Variants in AGO1 observed in about 807,000 individuals in gnomAD.
AGO1 encodes the protein protein argonaute-1.
A neutral mutation model predicts 109.2 loss-of-function variants in AGO1; 11 were observed. That is an observed-to-expected ratio of 0.10 (90% CI 0.06 to 0.17). The LOEUF (loss-of-function observed/expected upper bound fraction) is 0.17, where lower values mean the gene tolerates loss of function less well. AGO1 is among the 10% of genes least tolerant of loss of function. The pLI, the probability that AGO1 is intolerant of heterozygous loss-of-function variation, is 1.00. For missense variants in AGO1, 574 were observed against 1,140.3 expected (o/e 0.50, Z 7.15); for synonymous variants, 422 against 418.6 (o/e 1.01, Z -0.10).
At chr1:35,909,209 G>A (rs1475295253) in intron 12 of AGO1, among the ~76,000 whole-genome samples, 2 of 152,134 alleles carry the variant, frequency 1.3e-5, no homozygotes, top group Non-Finnish European at 2.9e-5. Context: ...ACTGCATGAA[G>A]GGTTTTCATG....
At chr1:35,911,199 G>T (rs1645626832) in intron 12 of AGO1, among the ~76,000 whole-genome samples, 1 of 152,176 alleles carries the variant, frequency 6.6e-6, no homozygotes, top group African/African-American at 2.4e-5. Context: ...TTCACCAGCA[G>T]TGTATAAGAG....
chr1:35,886,672 C>A (rs186466109), intron 1 of AGO1, among the ~76,000 whole-genome samples: 122 of 152,230 alleles, frequency 8.0e-4, no homozygotes, highest in Non-Finnish European at 2.1e-4. Flanking sequence ...TGGCTACACC[C>A]ACAAACGTGC....
At chr1:35,875,345 G>T (rs909543321) in intron 1 of AGO1, among the ~76,000 whole-genome samples, 2 of 151,900 alleles carry the variant, frequency 1.3e-5, no homozygotes, top group East Asian at 3.9e-4. Context: ...CTCTGCCTGT[G>T]CTCTATAAGT....
Position 35,883,493 on chromosome 1 carries a change from G to A in AGO1, c.25+47G>A. 6.6e-7 allele frequency: 1 copy of A among 1,511,136 alleles called. No individual in the cohort carries two copies. Among genetic ancestry groups the A allele is most frequent in the East Asian group, 2.7e-5 (1 of 37,362 alleles). 93.6% of individuals were successfully genotyped at this position (1,511,136 alleles called of 1,614,324 possible). A position where few individuals can be genotyped will look rare whatever the true frequency, so the allele number is the denominator to read the frequency against. ...AACGGTGCATGCTCCAAGGACTGGG[G>A]GATCCCGCATGAAAAGCGTGGTTTC... On this transcript the variant is annotated intron_variant, in intron 1 of 18. Transcript: ENST00000373204. This position sits in a 1 kb window ranked among gnomAD's most constrained non-coding sequence, Gnocchi z 5.4.
intron 8 of AGO1, among the ~76,000 whole-genome samples, chr1:35,898,565 A>G (rs1242333685): frequency 2.0e-5 from 3 of 152,310 alleles, no homozygotes; most frequent in South Asian, 2.1e-4. Context: ...AATGTTTAAC[A>G]TCGTGATGAG....
rs1022772857 is a variant in AGO1 at position 35,927,222 on chromosome 1, T to C, written c.*7615T>C. The C allele has an allele frequency of 6.6e-6, 1 of 152,182 alleles. No individual in the cohort carries two copies. The highest frequency in any genetic ancestry group is 2.4e-5 in the African/African-American group (1 of 41,434). 9.4% of individuals were successfully genotyped at this position (152,182 alleles called of 1,614,324 possible). A position where few individuals can be genotyped will look rare whatever the true frequency, so the allele number is the denominator to read the frequency against. On this transcript the variant is annotated 3_prime_UTR_variant, in exon 19 of 19. Coordinates refer to ENST00000373204, the MANE Select transcript of AGO1 (RefSeq NM_012199.5). Reference sequence around the variant, plus strand: ...TCTTACAGCATCTTTACATGCGAAATAGTTTATCAGTTATCTTCAATTGCA... The same window carrying C: ...TCTTACAGCATCTTTACATGCGAAACAGTTTATCAGTTATCTTCAATTGCA...
At chr1:35,882,148 TAA>T, upstream of AGO1, among the ~76,000 whole-genome samples, 1 of 152,320 alleles carries the variant, frequency 6.6e-6, no homozygotes, top group African/African-American at 2.4e-5. The surrounding 1 kb of genome is among the most constrained non-coding windows in gnomAD (Gnocchi z 5.1). Context: ...GAGTGAAAGA[TAA>T]AGTGTTTGGT....
At position 35,906,984 on chromosome 1, in the gene AGO1, A is replaced by T. The variant is rs1557615824; in HGVS notation, c.1447A>T (p.Ile483Phe). 1 of 1,614,146 alleles carries T rather than the reference A, an allele frequency of 6.2e-7. No individual in the cohort carries two copies. The highest frequency in any genetic ancestry group is 1.7e-5 in the Admixed American group (1 of 60,022). ...RKISKDAGMPIQGQPCFCKYA... is the reference protein window; with the variant it reads ...RKISKDAGMPFQGQPCFCKYA... ...GATTTCCAAGGATGCGGGGATGCCTATCCAGGGTCAACCTTGTTTCTGCAA... is the reference window on the plus strand; with the variant it reads ...GATTTCCAAGGATGCGGGGATGCCTTTCCAGGGTCAACCTTGTTTCTGCAA... The change falls in exon 12 of 19, where the codon ATC becomes TTC. Residue 483 changes from isoleucine to phenylalanine, a missense_variant. Around this residue, in one of 8 missense-constraint regions of AGO1, gnomAD observed 106 missense variants for 147.8 expected, o/e 0.72. Coordinates refer to ENST00000373204, the MANE Select transcript of AGO1 (RefSeq NM_012199.5).
upstream of AGO1, among the ~76,000 whole-genome samples, chr1:35,881,305 C>T (rs1445703537): frequency 2.0e-5 from 3 of 152,106 alleles, no homozygotes; most frequent in Admixed American, 6.6e-5. Context: ...GCTTACCAAT[C>T]CAAGTTTTGT....
chr1:35,918,520 A>C (rs1409526976), intron 17 of AGO1, 97 bp downstream of exon 17: 4 of 986,842 alleles, frequency 4.1e-6, no homozygotes, highest in Middle Eastern at 4.2e-4. Context: ...ATGACATCCA[A>C]ATTAGGATTG....
rs1271446606 is a variant in AGO1 at position 35,894,300 on chromosome 1, G to GT, written c.785-14dup. The GT allele has an allele frequency of 6.2e-6, 10 of 1,613,878 alleles. No individual in the cohort carries two copies. In the South Asian group the frequency reaches 1.1e-4, roughly 18 times the overall value. On this transcript the variant is annotated splice_polypyrimidine_tract_variant and intron_variant, in intron 6 of 18. Transcript: ENST00000373204. Reference sequence around the variant, plus strand: ...CAACCTATTTTAGCCCTGACAAGCAGTGTGTGTATCTCAGGCCTGAAGGTG... The same window carrying GT: ...CAACCTATTTTAGCCCTGACAAGCAGTTGTGTGTATCTCAGGCCTGAAGGTG...
At chr1:35,909,137 G>T (rs1315035872) in intron 12 of AGO1, among the ~76,000 whole-genome samples, 1 of 152,046 alleles carries the variant, frequency 6.6e-6, no homozygotes, top group East Asian at 1.9e-4. Context: ...TCTTGAATGG[G>T]TTCCAAGAAA....
At chr1:35,887,670 T>TA (rs1267486929) in intron 1 of AGO1, among the ~76,000 whole-genome samples, 4 of 152,136 alleles carry the variant, frequency 2.6e-5, no homozygotes, top group African/African-American at 7.2e-5. Context: ...CTTTTTTTTT[T>TA]ATCATTGTCT....
At chr1:35,876,326 G>T (rs922607843) in intron 1 of AGO1, among the ~76,000 whole-genome samples, 17 of 151,864 alleles carry the variant, frequency 1.1e-4, no homozygotes, top group Admixed American at 1.1e-3. Flanking sequence ...GAGTACAGTG[G>T]TGCGATCTCG....
intron 8 of AGO1, among the ~76,000 whole-genome samples, chr1:35,898,287 C>T (rs183165611): frequency 1.2e-3 from 172 of 148,502 alleles, no homozygotes; most frequent in Middle Eastern, 3.5e-3. Flanking sequence ...GACGGAGTAT[C>T]GCTCTGTTAC....
intron 16 of AGO1, among the ~76,000 whole-genome samples, chr1:35,917,931 C>G (rs965284555): frequency 2.0e-5 from 3 of 152,096 alleles, no homozygotes; most frequent in African/African-American, 7.2e-5. Flanking sequence ...CTTATACTTC[C>G]TTTCCCTCCT....
At chr1:35,902,999 C>CT (rs899277604) in intron 11 of AGO1, among the ~76,000 whole-genome samples, 1,447 of 108,768 alleles carry the variant, frequency 0.013, 39 homozygotes, top group African/African-American at 0.034. Flanking sequence ...CACCTGGAGT[C>CT]TTTTTTTTTT....
rs1645948019 is a variant in AGO1 at position 35,927,252 on chromosome 1, A to G, written c.*7645A>G. On this transcript the variant is annotated 3_prime_UTR_variant, in exon 19 of 19. Coordinates refer to ENST00000373204, the MANE Select transcript of AGO1 (RefSeq NM_012199.5). Reference sequence around the variant, plus strand: ...TATCAGTTATCTTCAATTGCATATTACAAAATTCTGATTAAATTTTTCTTA... The same window carrying G: ...TATCAGTTATCTTCAATTGCATATTGCAAAATTCTGATTAAATTTTTCTTA... 1 of 152,226 alleles carries G rather than the reference A, an allele frequency of 6.6e-6. No homozygotes were observed. The highest frequency in any genetic ancestry group is 2.1e-4 in the South Asian group (1 of 4,834). 9.4% of individuals were successfully genotyped at this position (152,226 alleles called of 1,614,324 possible). A position where few individuals can be genotyped will look rare whatever the true frequency, so the allele number is the denominator to read the frequency against.
Position 35,919,981 on chromosome 1 carries a change from A to C in AGO1, c.*374A>C. Reference sequence around the variant, plus strand: ...GTCAACTCTGTAGCCCTGCAGACAAAAGCTGGTTAGGTTTGGGTTTGATAC... The same window carrying C: ...GTCAACTCTGTAGCCCTGCAGACAACAGCTGGTTAGGTTTGGGTTTGATAC... On this transcript the variant is annotated 3_prime_UTR_variant, in exon 19 of 19. Transcript: ENST00000373204. This position sits in a 1 kb window ranked among gnomAD's most constrained non-coding sequence, Gnocchi z 6.6. 1 of 181,646 alleles carries C rather than the reference A, an allele frequency of 5.5e-6. No homozygotes were observed. Among genetic ancestry groups the C allele is most frequent in the Non-Finnish European group, 1.1e-5 (1 of 87,138 alleles). The allele number at this position is 181,646 out of a possible 1,614,324, so 11.3% of individuals were successfully genotyped here.
Sources: gnomAD v4.1 joint callset for allele counts (sites outside exome capture counted in the v4.1 genomes callset) on GRCh38, gnomAD v4.1.1 for gene constraint, gnomAD v4.1.1 regional missense constraint, Gnocchi (gnomAD v3.1) non-coding constraint, MANE v1.5 for transcripts, NCBI Gene and HGNC (gene_info 2026-07-23, HGNC 2026-07-21) for gene names.